The following NCAM2 variants were observed in gnomAD, a reference collection of about 807,000 sequenced individuals.
NCAM2 encodes the protein N-CAM-2.
Under a neutral mutation model 98.1 loss-of-function variants are expected in NCAM2, and 30 were observed. The ratio of observed to expected loss-of-function variants is 0.31; its 90% CI spans 0.23 to 0.41. The LOEUF (loss-of-function observed/expected upper bound fraction) is 0.41. Ranked by LOEUF, NCAM2 falls within the 10% of genes least tolerant of loss-of-function variation. The pLI is 1.00. For missense variants in NCAM2, 867 were observed against 1,005.8 expected, an observed-to-expected ratio of 0.86 and a Z score of 1.87; for synonymous variants, 368 against 342.4, an observed-to-expected ratio of 1.07 and a Z score of -0.83.
At chr21:21,366,680 G>A (rs1387779976) in intron 8 of NCAM2, among the ~76,000 whole-genome samples, 1 of 152,024 alleles carries the variant, frequency 6.6e-6, no homozygotes, top group Non-Finnish European at 1.5e-5. Context: ...CATCTGGGGT[G>A]TGATGTTTGA....
At chr21:21,147,257 T>C in intron 1 of NCAM2, 1 of 985,218 alleles carries the variant, frequency 1.0e-6, no homozygotes, top group Non-Finnish European at 1.2e-6. Context: ...AAAATGTAAA[T>C]ATTCAGAGAT....
At chr21:21,351,671 A>G (rs2075343702) in intron 8 of NCAM2, among the ~76,000 whole-genome samples, 1 of 152,202 alleles carries the variant, frequency 6.6e-6, no homozygotes, top group Non-Finnish European at 1.5e-5. Context: ...ATTTTGTCAC[A>G]TAACAAACAC....
At chr21:21,006,595 A>G (rs1452005844) in intron 1 of NCAM2, among the ~76,000 whole-genome samples, 1 of 152,152 alleles carries the variant, frequency 6.6e-6, no homozygotes, top group Non-Finnish European at 1.5e-5. Flanking sequence ...CTTCCTCACA[A>G]TTACAGAGAA....
At chr21:21,182,838 T>C (rs80000127) in intron 1 of NCAM2, among the ~76,000 whole-genome samples, 2,806 of 152,242 alleles carry the variant, frequency 0.018, 97 homozygotes, top group African/African-American at 0.064. Context: ...TACTAAGATA[T>C]ACGTAGGCCT....
At chr21:21,040,250 A>G (rs1601174236) in intron 1 of NCAM2, among the ~76,000 whole-genome samples, 1 of 152,128 alleles carries the variant, frequency 6.6e-6, no homozygotes, top group African/African-American at 2.4e-5. Context: ...TTAAAGACTC[A>G]TGAAGCTTTG....
chr21:21,104,870 T>C (rs1601381468), intron 1 of NCAM2, among the ~76,000 whole-genome samples: 2 of 152,258 alleles, frequency 1.3e-5, no homozygotes, highest in East Asian at 3.9e-4. Flanking sequence ...TGTTGCTGTT[T>C]TTTCTTACTC....
chr21:21,245,801 G>C (rs1281330903), intron 1 of NCAM2, among the ~76,000 whole-genome samples: 7 of 152,122 alleles, frequency 4.6e-5, no homozygotes, highest in Non-Finnish European at 8.8e-5. Context: ...GTAGATGATA[G>C]ATAGGGAGAT....
chr21:21,375,843 T>C (rs2076021332), intron 9 of NCAM2, among the ~76,000 whole-genome samples: 1 of 151,844 alleles, frequency 6.6e-6, no homozygotes, highest in African/African-American at 2.4e-5. Context: ...AGGCAACATA[T>C]TATCTTAATG....
chr21:21,240,606 G>C (rs2071029269), intron 1 of NCAM2, among the ~76,000 whole-genome samples: 1 of 152,042 alleles, frequency 6.6e-6, no homozygotes, highest in Non-Finnish European at 1.5e-5. Context: ...TAACTTCTTT[G>C]AATGACAAAT....
At chr21:21,360,168 A>G (rs2075606859) in intron 8 of NCAM2, among the ~76,000 whole-genome samples, 1 of 151,976 alleles carries the variant, frequency 6.6e-6, no homozygotes, top group African/African-American at 2.4e-5. Flanking sequence ...ATTAATTAAT[A>G]AGATGGAATC....
intron 1 of NCAM2, among the ~76,000 whole-genome samples, chr21:21,113,621 G>A (rs190170029): frequency 1.1e-3 from 170 of 152,194 alleles, no homozygotes; most frequent in African/African-American, 3.9e-3. Context: ...GTATTTAGCA[G>A]ATTTTGTTTT....
chr21:21,198,186 G>A (rs1293197407), intron 1 of NCAM2, among the ~76,000 whole-genome samples: 1 of 1,734 alleles, frequency 5.8e-4, no homozygotes. Flanking sequence ...TAAAGTATAT[G>A]TGTGTGTGTG....
At chr21:21,199,791 T>C (rs898733489) in intron 1 of NCAM2, among the ~76,000 whole-genome samples, 4 of 152,146 alleles carry the variant, frequency 2.6e-5, no homozygotes, top group Admixed American at 6.6e-5. Context: ...TCCTGTTCTA[T>C]AATCGTATGG....
At chr21:21,406,911 T>C (rs888727121) in intron 9 of NCAM2, among the ~76,000 whole-genome samples, 5 of 152,152 alleles carry the variant, frequency 3.3e-5, no homozygotes, top group Non-Finnish European at 5.9e-5. Flanking sequence ...TTCTTTCATA[T>C]ATATGTGAAA....
chr21:21,199,861 A>G (rs1371118083), intron 1 of NCAM2, among the ~76,000 whole-genome samples: 4 of 151,980 alleles, frequency 2.6e-5, no homozygotes, highest in Non-Finnish European at 5.9e-5. Flanking sequence ...CTGTTTGTCA[A>G]AATGGTTCAC....
chr21:21,508,398 CAT>C (rs1226233411), intron 15 of NCAM2, among the ~76,000 whole-genome samples: 1 of 152,022 alleles, frequency 6.6e-6, no homozygotes, highest in African/African-American at 2.4e-5. Context: ...AACATAATCT[CAT>C]ATAGAAGATT....
chr21:21,308,070 T>TACACACACACAC (rs71195319), intron 5 of NCAM2, among the ~76,000 whole-genome samples: 1 of 150,970 alleles, frequency 6.6e-6, no homozygotes, highest in Non-Finnish European at 1.5e-5. Flanking sequence ...CATACACACA[T>TACACACACACAC]ACACACACAC....
intron 8 of NCAM2, among the ~76,000 whole-genome samples, chr21:21,350,930 A>C (rs139052599): frequency 1.2e-5 from 1 of 80,324 alleles, no homozygotes; most frequent in Non-Finnish European, 2.3e-5. Flanking sequence ...TAGTAAAAAT[A>C]CAAAAAAAAA....
intron 5 of NCAM2, among the ~76,000 whole-genome samples, chr21:21,313,627 T>C (rs1010126712): frequency 6.6e-6 from 1 of 152,016 alleles, no homozygotes; most frequent in East Asian, 1.9e-4. Context: ...TATAGTTAGG[T>C]TATATTTTAT....
Sources: allele counts gnomAD v4.1 joint callset (sites outside exome capture counted in the v4.1 genomes callset), GRCh38; gene constraint gnomAD v4.1.1; transcripts MANE v1.5; gene names NCBI Gene and HGNC (gene_info 2026-07-23, HGNC 2026-07-21).